The following TMC8 variants were observed in gnomAD, a reference collection of about 807,000 sequenced individuals.
TMC8 encodes transmembrane channel-like protein 8.
In TMC8, 71 loss-of-function variants were observed where a neutral mutation model predicts 76.0. The ratio of observed to expected loss-of-function variants is 0.93; its 90% CI spans 0.77 to 1.14. The LOEUF is 1.14. Ranked by LOEUF, TMC8 falls within the 50% of genes most tolerant of loss-of-function variation. TMC8 has a pLI of 0.00. For synonymous variants in TMC8, 433 were observed against 433.8 expected, an observed-to-expected ratio of 1.00 and a Z score of 0.02; for missense variants, 924 against 947.9, an observed-to-expected ratio of 0.97 and a Z score of 0.33.
At position 78,139,224 on chromosome 17, in the gene TMC8, G is replaced by T. The variant is rs369861947; in HGVS notation, c.1886G>T (p.Arg629Leu). ...QANARAIHRL[R>L]KQLVWQVQEK... is the part of the protein sequence containing the mutation. ...AATGCCAGGGCCATCCACAGGCTCC[G>T]GAAGCAGCTGGTGTGGGTGAGTGTC... is the stretch of plus-strand genomic sequence containing the variant. Residue 629 changes from arginine (R) to leucine (L), a missense_variant, in exon 15 of 16, where the codon CGG (arginine) becomes CTG (leucine). Physicochemically the swap from Arg to Leu is moderately radical, Grantham distance 102. Coordinates refer to ENST00000318430, the MANE Select transcript of TMC8 (RefSeq NM_152468.5). The T allele has an allele frequency of 1.0e-4, 162 of 1,613,476 alleles. No individual in the cohort carries two copies. Among genetic ancestry groups the T allele is most frequent in the Non-Finnish European group, 1.3e-4 (153 of 1,180,036 alleles).
At chr17:78,139,682 G>C (rs1046087926) in intron 15 of TMC8, among the ~76,000 whole-genome samples, 18 of 148,754 alleles carry the variant, frequency 1.2e-4, no homozygotes, top group African/African-American at 4.5e-4. Context: ...CTGAGGTCAG[G>C]AGTTCAAGAC....
Position 78,134,478 on chromosome 17 carries a change from C to G in TMC8, c.901C>G (p.Arg301Gly), listed in dbSNP as rs778554801. ...GGCCTGCCGCCTGCTCTCCTACCTG[C>G]GGGTCAACGTACTCAACGGGCTCCT... ...QTACRLLSYL[R>G]VNVLNGLLVV... is the part of the protein sequence containing the mutation. Residue 301 changes from arginine to glycine, a missense_variant, in exon 8 of 16, where the codon CGG (arginine) becomes GGG (glycine). Physicochemically the swap from Arg to Gly is moderately radical, Grantham distance 125. Coordinates refer to ENST00000318430, the MANE Select transcript of TMC8 (RefSeq NM_152468.5). 1 of 1,614,022 alleles carries G rather than the reference C, an allele frequency of 6.2e-7. No individual in the cohort carries two copies.
chr17:78,137,681 G>T (rs373018672), intron 10 of TMC8, 36 bp from the exon 11 acceptor site: 2 of 1,576,982 alleles, frequency 1.3e-6, no homozygotes, highest in Non-Finnish European at 1.7e-6. Flanking sequence ...CGGGGTGGCC[G>T]TGAGTGGTGA....
chr17:78,138,368 C>T lies in TMC8; in HGVS notation c.1553C>T (p.Ser518Phe). 1 of 1,611,466 alleles carries T rather than the reference C, an allele frequency of 6.2e-7. No individual in the cohort carries two copies. The highest frequency in any genetic ancestry group is 8.5e-7 in the Non-Finnish European group (1 of 1,179,992). ...CCCCAGTACACCCTCCTGAAGAACT[C>T]CAGGGCATCTTCGCGGCCCTTCCGT... ...YIKKYTLLKN[S>F]RASSRPFRAS... The change falls in exon 13 of 16, where the codon TCC becomes TTC. Residue 518 changes from serine (S) to phenylalanine (F), a missense_variant. By Grantham distance (155) the Ser-to-Phe change is radical (BLOSUM62 -2). Transcript: ENST00000318430.
At chr17:78,138,844 A>C (rs1183789403) in intron 14 of TMC8, 112 bp downstream of exon 14, 1 of 1,557,588 alleles carries the variant, frequency 6.4e-7, no homozygotes, top group South Asian at 1.1e-5. Flanking sequence ...GCAGAAAGCC[A>C]AGGGAAGCAG....
At chr17:78,132,265 A>C in intron 3 of TMC8, 94 bp from the exon 4 acceptor site, 1 of 1,490,164 alleles carries the variant, frequency 6.7e-7, no homozygotes, top group Non-Finnish European at 9.2e-7. Context: ...CCTGGCGGGC[A>C]CCCCACGCCG....
chr17:78,139,069 G>C, intron 14 of TMC8, 93 bp from the exon 15 acceptor site: 3 of 1,585,536 alleles, frequency 1.9e-6, no homozygotes, highest in Non-Finnish European at 2.6e-6. Context: ...CCAGTACCGC[G>C]TATTGTAGAG....
At position 78,134,501 on chromosome 17, in the gene TMC8, C is replaced by T. The variant is rs370667210; in HGVS notation, c.924C>T (p.Leu308=). ...TGCGGGTCAACGTACTCAACGGGCT[C>T]CTGGTGGTTGGGGCCATCAGCGCCA... ...SYLRVNVLNG[L]LVVGAISAIF... The change falls in exon 8 of 16, where the codon CTC becomes CTT. Residue 308 remains leucine (L), a synonymous_variant. Coordinates refer to ENST00000318430, the MANE Select transcript of TMC8 (RefSeq NM_152468.5). The T allele has an allele frequency of 1.9e-5, 30 of 1,614,096 alleles. No homozygotes were observed. Among genetic ancestry groups the T allele is most frequent in the Middle Eastern group, 1.6e-4 (1 of 6,062 alleles).
intron 7 of TMC8, 101 bp from the exon 8 acceptor site, chr17:78,134,293 G>A: frequency 2.2e-6 from 3 of 1,376,864 alleles, no homozygotes; most frequent in East Asian, 4.6e-5. Flanking sequence ...CTGTGTATGT[G>A]AGCGTGAATG....
At chr17:78,132,057 C>A in intron 3 of TMC8, 27 bp downstream of exon 3, 1 of 1,534,828 alleles carries the variant, frequency 6.5e-7, no homozygotes, top group South Asian at 1.2e-5. Flanking sequence ...CCGCACCTCC[C>A]CTTGCCCTCT....
intron 9 of TMC8, 68 bp from the exon 10 acceptor site, chr17:78,137,167 T>C (rs2075254371): frequency 1.0e-5 from 16 of 1,602,808 alleles, no homozygotes; most frequent in Non-Finnish European, 1.4e-5. Flanking sequence ...CAGCCACACC[T>C]ATAGCCTGGG....
Position 78,138,453 on chromosome 17 carries a change from A to C in TMC8, c.1638A>C (p.Ala546=), listed in dbSNP as rs958249791. 6.2e-6 allele frequency: 10 copies of C among 1,613,054 alleles called. No individual in the cohort carries two copies. The highest frequency in any genetic ancestry group is 5.0e-5 in the Admixed American group (3 of 59,996). ...TCCTCCTGGGCCTGCTTCTGGCTGC[A>C]GTGCCCCTGGGCTATGTGGTCAGCA... is the stretch of plus-strand genomic sequence containing the variant. The part of the protein sequence containing the change: ...LVLLLGLLLA[A]VPLGYVVSSI... The change falls in exon 13 of 16, where the codon GCA becomes GCC. Residue 546 remains alanine (A), a synonymous_variant. Transcript: ENST00000318430.
At chr17:78,136,710 C>T (rs1162663482) in intron 9 of TMC8, 1 of 183,522 alleles carries the variant, frequency 5.4e-6, no homozygotes, top group Non-Finnish European at 1.2e-5. Context: ...TGTGCCTCTC[C>T]ACACCAGGCA....
rs150250258 is a variant in TMC8, at chr17:78,135,239, C to T, written c.1127+230C>T. On this transcript the variant is annotated intron_variant, in intron 9 of 15. Coordinates refer to ENST00000318430, the MANE Select transcript of TMC8 (RefSeq NM_152468.5). The stretch of plus-strand genomic sequence containing the variant: ...GAAGCCGCCAGTCTGGACCAAGCTC[C>T]GGCCATTCAGTGGAGCAAGGGACTG... Among the ~76,000 whole-genome samples, 801 of 152,306 alleles carry T rather than the reference C, an allele frequency of 5.3e-3. 9 individuals are homozygous for T. Among genetic ancestry groups the T allele is most frequent in the Middle Eastern group, 0.02 (6 of 294 alleles).
At position 78,134,977 on chromosome 17, in the gene TMC8, TCC is replaced by T. The variant is rs1474278256; in HGVS notation, c.1097_1098del (p.Pro366GlnfsTer41). ...TFLVQLENYP[P>X]NTEVNLTLIW... The stretch of plus-strand genomic sequence containing the variant: ...TTCTGGTCCAGCTGGAGAACTACCC[TCC>T]CAACACGGAGGTCAACCTCACTCTG... On this transcript the variant is annotated frameshift_variant, in exon 9 of 16. Coordinates refer to ENST00000318430, the MANE Select transcript of TMC8 (RefSeq NM_152468.5). LOFTEE classifies it high-confidence loss of function. 6.2e-7 allele frequency: 1 copy of T among 1,614,032 alleles called. No homozygotes were observed. The highest frequency in any genetic ancestry group is 8.5e-7 in the Non-Finnish European group (1 of 1,179,966).
rs2075279104 is a variant in TMC8, at chr17:78,137,992, C to G, written c.1350-13C>G. ...CTGGAGTGGTGAGTACCTGGACCCTCCCATCCCTGCAGGCTGCTGGTGGAC... is the reference window on the plus strand; with the variant it reads ...CTGGAGTGGTGAGTACCTGGACCCTGCCATCCCTGCAGGCTGCTGGTGGAC... On this transcript the variant is annotated splice_polypyrimidine_tract_variant and intron_variant, in intron 11 of 15. Transcript: ENST00000318430. The G allele has an allele frequency of 2.5e-6, 4 of 1,613,648 alleles. No individual in the cohort carries two copies. Among genetic ancestry groups the G allele is most frequent in the Non-Finnish European group, 3.4e-6 (4 of 1,179,996 alleles).
In TMC8 at chr17:78,137,665, A is replaced by G. The variant is rs12449680; in HGVS notation, c.1252-52A>G. The G allele has an allele frequency of 0.25, 386,838 of 1,517,638 alleles. 54,744 individuals are homozygous for G. The highest frequency in any genetic ancestry group is 0.45 in the Admixed American group (26,984 of 59,904). The allele number at this position is 1,517,638 out of a possible 1,614,324, so 94.0% of individuals were successfully genotyped here. A position where few individuals can be genotyped will look rare whatever the true frequency, so the allele number is the denominator to read the frequency against. On this transcript the variant is annotated intron_variant, in intron 10 of 15. Coordinates refer to ENST00000318430, the MANE Select transcript of TMC8 (RefSeq NM_152468.5). The stretch of plus-strand genomic sequence containing the variant: ...ACCCTCACAGGAGGCTAAGGGAAGG[A>G]AGGGCCGGGGTGGCCGTGAGTGGTG...
intron 15 of TMC8, 68 bp downstream of exon 15, chr17:78,139,308 G>A (rs2075315620): frequency 6.3e-7 from 1 of 1,581,912 alleles, no homozygotes; most frequent in African/African-American, 1.3e-5. Flanking sequence ...GTGTGGCCGA[G>A]GGCCTAGAAC....
chr17:78,131,038 AG>A (rs924601625), intron 1 of TMC8, 187 bp downstream of exon 1: 8 of 188,470 alleles, frequency 4.2e-5, no homozygotes, highest in African/African-American at 1.9e-4. Flanking sequence ...GGAAGACAGA[AG>A]GGGGTCCCCC....
Sources: gnomAD v4.1 joint callset for allele counts (sites outside exome capture counted in the v4.1 genomes callset) on GRCh38, gnomAD v4.1.1 for gene constraint, MANE v1.5 for transcripts, NCBI Gene and HGNC (gene_info 2026-07-23, HGNC 2026-07-21) for gene names.